The following MCTP1 variants were observed in gnomAD, a reference collection of about 807,000 sequenced individuals.
MCTP1 encodes multiple C2 and transmembrane domain containing 1.
Under a neutral mutation model 120.6 loss-of-function variants are expected in MCTP1, and 69 were observed. That is an observed-to-expected ratio of 0.57 (90% CI 0.47 to 0.70). The LOEUF (loss-of-function observed/expected upper bound fraction) is 0.70. Among genes scored for constraint, MCTP1 ranks in the 30% least tolerant of loss-of-function variants. MCTP1 has a pLI of 0.00. For missense variants in MCTP1, 1,203 were observed against 1,248.8 expected (o/e 0.96, Z 0.55); for synonymous variants, 529 against 493.1 (o/e 1.07, Z -0.96).
In MCTP1 at chr5:94,989,602, G is replaced by A. The variant is rs1831122165; in HGVS notation, c.838+27765C>T. On this transcript the variant is annotated intron_variant, in intron 2 of 22. Transcript: ENST00000515393. Reference sequence around the variant, plus strand: ...GCTTCTAAGACCTTTGGAATCTCTGGAGTGGTAAGTGTCTCTTTTTGTGTG... The same window carrying A: ...GCTTCTAAGACCTTTGGAATCTCTGAAGTGGTAAGTGTCTCTTTTTGTGTG... Among the ~76,000 whole-genome samples the A allele has an allele frequency of 1.3e-5, 2 of 152,274 alleles. 1 individual carries two copies. Among genetic ancestry groups the A allele is most frequent in the South Asian group, 4.1e-4 (2 of 4,820 alleles).
intron 2 of MCTP1, among the ~76,000 whole-genome samples, chr5:95,008,556 A>C (rs1051545684): frequency 6.6e-6 from 1 of 152,240 alleles, no homozygotes; most frequent in South Asian, 2.1e-4. Context: ...GAAGAAAAGG[A>C]ATTGTTTCCT....
rs559212516 is a variant in MCTP1 at position 95,172,201 on chromosome 5, AGTG to A, written c.720+111652_720+111654del. Among the ~76,000 whole-genome samples the A allele has an allele frequency of 8.9e-3, 1,351 of 152,330 alleles. 12 individuals are homozygous for A. The highest frequency in any genetic ancestry group is 0.027 in the Middle Eastern group (8 of 294). On this transcript the variant is annotated intron_variant, in intron 1 of 22. Coordinates refer to ENST00000515393, the MANE Select transcript of MCTP1 (RefSeq NM_024717.7). ...CCAGACCGTTTGCCTACGTATCAGC[AGTG>A]GAGGCTGCAGAACAGCGCATATTGC... is the stretch of plus-strand genomic sequence containing the variant.
intron 18 of MCTP1, among the ~76,000 whole-genome samples, chr5:94,793,154 T>C (rs1055708128): frequency 2.0e-5 from 3 of 152,032 alleles, no homozygotes; most frequent in Non-Finnish European, 4.4e-5. Flanking sequence ...GTGAAGAAAA[T>C]GTAGAAATCT....
intron 1 of MCTP1, among the ~76,000 whole-genome samples, chr5:95,171,065 T>C (rs1203059426): frequency 1.3e-5 from 2 of 152,200 alleles, no homozygotes; most frequent in African/African-American, 2.4e-5. Context: ...TTCCTTTCCA[T>C]GTTTAGTGCT....
At chr5:95,211,726 G>A (rs1473691534) in intron 1 of MCTP1, among the ~76,000 whole-genome samples, 6 of 152,178 alleles carry the variant, frequency 3.9e-5, no homozygotes, top group African/African-American at 4.8e-5. Flanking sequence ...GAGGAACTGC[G>A]TTCCTTTGGA....
intron 1 of MCTP1, among the ~76,000 whole-genome samples, chr5:95,060,138 T>C (rs139252876): frequency 6.6e-6 from 1 of 151,810 alleles, no homozygotes; most frequent in Admixed American, 6.6e-5. Flanking sequence ...TCTGGTCTCT[T>C]TAGTATGATA....
chr5:95,240,834 T>G (rs1270377530), intron 1 of MCTP1, among the ~76,000 whole-genome samples: 2 of 152,128 alleles, frequency 1.3e-5, no homozygotes, highest in African/African-American at 4.8e-5. Context: ...ATCCACATTC[T>G]TTTCATACTT....
rs551128941 is a variant in MCTP1 at position 95,206,481 on chromosome 5, G to A, written c.720+77375C>T. ...TAAGAAAAAAAATTAAGAATCTCTG[G>A]AGACTGAGAATCATGACATTTTAGA... On this transcript the variant is annotated intron_variant, in intron 1 of 22. Transcript: ENST00000515393. Among the ~76,000 whole-genome samples the A allele has an allele frequency of 9.9e-5, 15 of 152,246 alleles. No homozygotes were observed. The South Asian group carries it at 2.9e-3, about 30-fold the overall frequency.
intron 8 of MCTP1, among the ~76,000 whole-genome samples, chr5:94,914,939 A>C (rs1256504132): frequency 6.6e-6 from 1 of 152,168 alleles, no homozygotes; most frequent in East Asian, 1.9e-4. Flanking sequence ...TGGTTTAACC[A>C]CTTCTGCTGC....
intron 19 of MCTP1, among the ~76,000 whole-genome samples, chr5:94,766,838 C>T (rs138375554): frequency 1.3e-5 from 2 of 152,290 alleles, no homozygotes; most frequent in East Asian, 1.9e-4. Flanking sequence ...GATAGCTTTA[C>T]TGATTAATTA....
At chr5:95,182,239 CT>C (rs1460775648) in intron 1 of MCTP1, among the ~76,000 whole-genome samples, 5 of 152,188 alleles carry the variant, frequency 3.3e-5, no homozygotes, top group Middle Eastern at 3.4e-3. Context: ...AAAACTTCCC[CT>C]TAAAGGAATT....
At chr5:94,841,931 A>T (rs1271595534) in intron 17 of MCTP1, among the ~76,000 whole-genome samples, 1 of 152,192 alleles carries the variant, frequency 6.6e-6, no homozygotes. Flanking sequence ...CTCAGGAAAA[A>T]CACCCCCAAG....
chr5:94,825,132 G>C (rs1352745426), intron 17 of MCTP1, among the ~76,000 whole-genome samples: 1 of 152,074 alleles, frequency 6.6e-6, no homozygotes, highest in Non-Finnish European at 1.5e-5. Context: ...TGTGATGTTA[G>C]GGTGTCAATT....
At chr5:95,127,967 A>G (rs1474111316) in intron 1 of MCTP1, among the ~76,000 whole-genome samples, 1 of 152,194 alleles carries the variant, frequency 6.6e-6, no homozygotes, top group Non-Finnish European at 1.5e-5. Flanking sequence ...GTTCTTCTGC[A>G]CCTTGTTACA....
chr5:95,138,238 C>T (rs1759604788), intron 1 of MCTP1, among the ~76,000 whole-genome samples: 1 of 150,516 alleles, frequency 6.6e-6, no homozygotes, highest in Non-Finnish European at 1.5e-5. Flanking sequence ...ATGCAACCCC[C>T]CCCCGACATT....
At chr5:95,191,803 C>T (rs1041518493) in intron 1 of MCTP1, among the ~76,000 whole-genome samples, 4 of 152,000 alleles carry the variant, frequency 2.6e-5, no homozygotes, top group Non-Finnish European at 4.4e-5. Flanking sequence ...AATCTGCCTT[C>T]CTCTTCTATT....
At chr5:94,876,350 G>T (rs1281303566) in intron 12 of MCTP1, among the ~76,000 whole-genome samples, 2 of 151,962 alleles carry the variant, frequency 1.3e-5, no homozygotes, top group African/African-American at 4.8e-5. Flanking sequence ...GGAGTACCTG[G>T]GTTGTGGGGT....
chr5:94,872,059 C>T (rs750505543), intron 13 of MCTP1, among the ~76,000 whole-genome samples: 3 of 152,078 alleles, frequency 2.0e-5, no homozygotes, highest in Admixed American at 1.3e-4. Flanking sequence ...TAAACGACTG[C>T]GTGAGCTCTT....
intron 19 of MCTP1, among the ~76,000 whole-genome samples, chr5:94,767,216 A>G (rs1056097879): frequency 2.3e-4 from 35 of 152,174 alleles, no homozygotes; most frequent in Admixed American, 1.5e-3. Flanking sequence ...AAAATTCAAC[A>G]TCTCTTTATT....
Sources: gnomAD v4.1 joint callset for allele counts (sites outside exome capture counted in the v4.1 genomes callset) on GRCh38, gnomAD v4.1.1 for gene constraint, MANE v1.5 for transcripts, NCBI Gene and HGNC (gene_info 2026-07-23, HGNC 2026-07-21) for gene names.